DNAH9: variants seen among roughly 807,000 people sequenced by gnomAD.
DNAH9 encodes dynein axonemal heavy chain 9.
A neutral mutation model predicts 471.6 loss-of-function variants in DNAH9; 345 were observed. The observed-to-expected ratio is 0.73, with a 90% CI of 0.67 to 0.80. The LOEUF is 0.80. Among genes scored for constraint, DNAH9 ranks in the 30% least tolerant of loss-of-function variants. The pLI is 0.00. For missense variants in DNAH9, 5,407 were observed against 5,609.2 expected (o/e 0.96, Z 1.15); for synonymous variants, 2,093 against 2,123.6 (o/e 0.99, Z 0.40).
chr17:11,720,315 T>G lies in DNAH9; in HGVS notation c.5709+825T>G, dbSNP rs552878848. On this transcript the variant is annotated intron_variant, in intron 27 of 68. Coordinates refer to ENST00000262442, the MANE Select transcript of DNAH9 (RefSeq NM_001372.4). ...GCACAACGTGCAGGTTTGTTACATA[T>G]GTATACATGTGCCATGTTGGTGTGC... 2.0e-5 allele frequency among the ~76,000 whole-genome samples: 3 copies of G among 152,224 alleles called. No individual in the cohort carries two copies. In the South Asian group the frequency reaches 6.2e-4, roughly 32 times the overall value.
At chr17:11,636,266 A>G (rs1283119562) in intron 8 of DNAH9, among the ~76,000 whole-genome samples, 1 of 152,172 alleles carries the variant, frequency 6.6e-6, no homozygotes, top group Non-Finnish European at 1.5e-5. Context: ...GGCCTCCCAA[A>G]GTGCTGAAAT....
At chr17:11,877,359 G>C (rs561956846) in intron 53 of DNAH9, among the ~76,000 whole-genome samples, 250 of 150,162 alleles carry the variant, frequency 1.7e-3, no homozygotes, top group African/African-American at 5.9e-3. Flanking sequence ...TGTAATCCCA[G>C]CTACTCAGGA....
In DNAH9 at chr17:11,610,568, C is replaced by T; in HGVS notation, c.773+14C>T. ...CTGGAAGAGCAGGTAGGCAAGAAGG[C>T]ACATGCTGGAAGTCTGGGGTGAAGA... On this transcript the variant is annotated intron_variant, in intron 3 of 68. Transcript: ENST00000262442. 1 of 1,610,906 alleles carries T rather than the reference C, an allele frequency of 6.2e-7. No homozygotes were observed. Among genetic ancestry groups the T allele is most frequent in the Non-Finnish European group, 8.5e-7 (1 of 1,179,096 alleles).
intron 7 of DNAH9, among the ~76,000 whole-genome samples, chr17:11,631,640 C>CAAAAAAA: frequency 8.7e-6 from 1 of 114,818 alleles, no homozygotes; most frequent in African/African-American, 2.9e-5. Flanking sequence ...GACTCTGTCT[C>CAAAAAAA]AAAAAAAAAA....
intron 57 of DNAH9, 147 bp downstream of exon 57, chr17:11,887,112 C>T: frequency 9.1e-7 from 1 of 1,102,568 alleles, no homozygotes; most frequent in Non-Finnish European, 1.3e-6. Context: ...ATGTTACCTT[C>T]AGACATCTCT....
intron 62 of DNAH9, among the ~76,000 whole-genome samples, chr17:11,924,418 G>C (rs1429719542): frequency 6.6e-6 from 1 of 151,954 alleles, no homozygotes; most frequent in East Asian, 1.9e-4. Context: ...TTGGTGTTTG[G>C]AATCTGGAAC....
intron 49 of DNAH9, among the ~76,000 whole-genome samples, chr17:11,838,558 G>C (rs1027457049): frequency 2.6e-5 from 4 of 152,220 alleles, no homozygotes; most frequent in Non-Finnish European, 5.9e-5. Flanking sequence ...AGGAAGGAAC[G>C]ACCTCTGTGA....
At chr17:11,926,147 C>T (rs866356351) in intron 62 of DNAH9, among the ~76,000 whole-genome samples, 2 of 148,504 alleles carry the variant, frequency 1.3e-5, no homozygotes, top group Middle Eastern at 3.5e-3. Flanking sequence ...AGGATATTTT[C>T]AATGATATCA....
intron 28 of DNAH9, among the ~76,000 whole-genome samples, chr17:11,729,106 C>G (rs747827921): frequency 7.2e-5 from 11 of 152,182 alleles, no homozygotes; most frequent in Non-Finnish European, 1.3e-4. Flanking sequence ...GAGATTGCCC[C>G]TCTATTTGCC....
intron 2 of DNAH9, among the ~76,000 whole-genome samples, chr17:11,609,631 C>T (rs74709020): frequency 0.039 from 5,956 of 152,216 alleles, 400 homozygotes; most frequent in African/African-American, 0.13. Context: ...CTTTCTTTGT[C>T]GTTGTGTCCT....
Position 11,937,445 on chromosome 17 carries a change from C to T in DNAH9, c.12583C>T (p.Leu4195Phe), listed in dbSNP as rs769949681. 1.9e-6 allele frequency: 3 copies of T among 1,614,120 alleles called. No homozygotes were observed. In the South Asian group the frequency reaches 3.3e-5, roughly 18 times the overall value. The change falls in exon 66 of 69, where the codon CTC (leucine) becomes TTC (phenylalanine). Residue 4195 changes from leucine to phenylalanine, a missense_variant. Leu to Phe is a conservative substitution (Grantham distance 22). Around this residue, in one of 3 missense-constraint regions of DNAH9, gnomAD observed 4,636 missense variants for 4,900.3 expected, o/e 0.95. Coordinates refer to ENST00000262442, the MANE Select transcript of DNAH9 (RefSeq NM_001372.4). The surrounding 1 kb of genome is among the most constrained non-coding windows in gnomAD (Gnocchi z 4.1). ...IGFLTQTSEK[L>F]FRTVLELQPR... The stretch of plus-strand genomic sequence containing the variant: ...CTTCCTGACCCAAACCTCAGAAAAG[C>T]TCTTCCGCACTGTGCTGGAGCTGCA...
At chr17:11,897,172 A>G (rs1242182455) in intron 59 of DNAH9, among the ~76,000 whole-genome samples, 1 of 152,248 alleles carries the variant, frequency 6.6e-6, no homozygotes, top group Admixed American at 6.5e-5. Flanking sequence ...CAGTTGTTAT[A>G]AAATTATTAC....
chr17:11,624,178 A>G (rs1211357961), intron 6 of DNAH9, among the ~76,000 whole-genome samples: 1 of 152,092 alleles, frequency 6.6e-6, no homozygotes, highest in Non-Finnish European at 1.5e-5. Flanking sequence ...TGTTTCAAGA[A>G]CCTATCCCAT....
Position 11,626,247 on chromosome 17 carries a change from A to G in DNAH9, c.1351-3170A>G, listed in dbSNP as rs1489684044. Among the ~76,000 whole-genome samples the G allele has an allele frequency of 6.6e-6, 1 of 152,232 alleles. No individual in the cohort carries two copies. The highest frequency in any genetic ancestry group is 6.5e-5 in the Admixed American group (1 of 15,280). ...TTAAAAAATATCATTTAAACTTCTT[A>G]TTGATTTAAATTGCCTTTTATCTGT... On this transcript the variant is annotated intron_variant, in intron 6 of 68. Transcript: ENST00000262442. This position sits in a 1 kb window ranked among gnomAD's most constrained non-coding sequence, Gnocchi z 4.3.
intron 42 of DNAH9, among the ~76,000 whole-genome samples, chr17:11,796,327 C>A (rs929212209): frequency 6.6e-6 from 1 of 152,268 alleles, no homozygotes; most frequent in Non-Finnish European, 1.5e-5. Flanking sequence ...ACTGCGCTTA[C>A]ATCTTATCCA....
intron 1 of DNAH9, among the ~76,000 whole-genome samples, chr17:11,604,304 G>T (rs1190568741): frequency 1.3e-5 from 2 of 152,072 alleles, no homozygotes; most frequent in Non-Finnish European, 2.9e-5. Flanking sequence ...TTACAGGTGT[G>T]AGCCGCCGCG....
At chr17:11,627,511 A>G (rs2072990812) in intron 6 of DNAH9, among the ~76,000 whole-genome samples, 1 of 152,244 alleles carries the variant, frequency 6.6e-6, no homozygotes, top group South Asian at 2.1e-4. Flanking sequence ...GACTGTCCCT[A>G]TAAAACAGAT....
chr17:11,863,848 C>T (rs944137944), intron 50 of DNAH9, among the ~76,000 whole-genome samples: 5 of 151,360 alleles, frequency 3.3e-5, no homozygotes, highest in African/African-American at 1.2e-4. Flanking sequence ...GTTTGTATTT[C>T]TGTGGGATCG....
chr17:11,805,372 G>A (rs1411635971), intron 43 of DNAH9, among the ~76,000 whole-genome samples: 1 of 151,958 alleles, frequency 6.6e-6, no homozygotes, highest in Non-Finnish European at 1.5e-5. Context: ...ACTGGAGCTA[G>A]CTAGACCTTA....
Sources: allele counts gnomAD v4.1 joint callset (sites outside exome capture counted in the v4.1 genomes callset), GRCh38; gene constraint gnomAD v4.1.1; regional missense constraint gnomAD v4.1.1; non-coding constraint Gnocchi (gnomAD v3.1); transcripts MANE v1.5; gene names NCBI Gene and HGNC (gene_info 2026-07-23, HGNC 2026-07-21).